SLC43A1: variants seen among roughly 807,000 people sequenced by gnomAD.
The protein encoded by SLC43A1 is large neutral amino acids transporter small subunit 3.
In SLC43A1, 31 loss-of-function variants were observed where a neutral mutation model predicts 59.5. That is an observed-to-expected ratio of 0.52 (90% confidence interval 0.39 to 0.70). SLC43A1 has a LOEUF of 0.70. Among genes scored for constraint, SLC43A1 ranks in the 30% least tolerant of loss-of-function variants. The pLI is 0.00. For synonymous variants in SLC43A1, 259 were observed against 290.9 expected (o/e 0.89, Z 1.12); for missense variants, 598 against 717.8 (o/e 0.83, Z 1.91).
At chr11:57,498,981 A>G (rs1944171229) in intron 5 of SLC43A1, among the ~76,000 whole-genome samples, 1 of 152,130 alleles carries the variant, frequency 6.6e-6, no homozygotes, top group South Asian at 2.1e-4. Context: ...CACACTCCAC[A>G]GAGGGGGAAA....
Position 57,514,800 on chromosome 11 carries a change from C to G in SLC43A1, c.-14+644G>C, listed in dbSNP as rs1460534030. On this transcript the variant is annotated intron_variant, in intron 1 of 14. Transcript: ENST00000278426. This position sits in a 1 kb window ranked among gnomAD's most constrained non-coding sequence, Gnocchi z 5.5. ...ACTCACTCCGCAGGGCTCGGGGCAC[C>G]AGGCTTTGCACCTCGGAACCCGCTT... The G allele has an allele frequency of 1.0e-6, 1 of 985,356 alleles. No homozygotes were observed. The highest frequency in any genetic ancestry group is 1.2e-6 in the Non-Finnish European group (1 of 829,970). 61.0% of individuals were successfully genotyped at this position (985,356 alleles called of 1,614,324 possible).
chr11:57,499,481 G>C (rs550010361), intron 5 of SLC43A1: 2 of 152,322 alleles, frequency 1.3e-5, no homozygotes, highest in Admixed American at 1.3e-4. Flanking sequence ...CGCCACGGAA[G>C]GCTGCCAGGC....
intron 8 of SLC43A1, 54 bp from the exon 9 acceptor site, chr11:57,491,916 A>G (rs926376344): frequency 6.4e-7 from 1 of 1,574,558 alleles, no homozygotes; most frequent in East Asian, 2.2e-5. Flanking sequence ...CTGCCCTCTG[A>G]TTGTCCCAGC....
intron 14 of SLC43A1, 56 bp downstream of exon 14, chr11:57,487,039 A>T: frequency 6.3e-7 from 1 of 1,589,284 alleles, no homozygotes; most frequent in South Asian, 1.1e-5. Flanking sequence ...ACAAGGCCCT[A>T]CCCCTGCCCC....
chr11:57,507,959 G>A (rs908492463), intron 2 of SLC43A1, among the ~76,000 whole-genome samples: 24 of 152,160 alleles, frequency 1.6e-4, no homozygotes, highest in African/African-American at 5.6e-4. Context: ...ACCATATGGG[G>A]TAATTGAGGT....
At position 57,501,145 on chromosome 11, in the gene SLC43A1, A is replaced by T. The variant is rs757451984; in HGVS notation, c.332+7T>A. On this transcript the variant is annotated splice_region_variant and intron_variant, in intron 3 of 14. Transcript: ENST00000278426. ...TCCTCCCGTTCCCCATAGCCCAGCC[A>T]CCTCACCTGCCAACCAGCCGCACGG... is the stretch of plus-strand genomic sequence containing the variant. The T allele has an allele frequency of 5.0e-6, 8 of 1,611,730 alleles. No individual in the cohort carries two copies. Among genetic ancestry groups the T allele is most frequent in the Non-Finnish European group, 6.8e-6 (8 of 1,179,396 alleles).
rs1381756529 is a variant in SLC43A1 at position 57,500,702 on chromosome 11, A to ACTGCCCTCACCCCACTCACT, written c.465+57_465+76dup. 1.8e-5 allele frequency: 24 copies of ACTGCCCTCACCCCACTCACT among 1,312,034 alleles called. No homozygotes were observed. The East Asian group carries it at 2.6e-4, about 14-fold the overall frequency. The allele number at this position is 1,312,034 out of a possible 1,614,324, so 81.3% of individuals were successfully genotyped here. A position where few individuals can be genotyped will look rare whatever the true frequency, so the allele number is the denominator to read the frequency against. ...CAGGCCCCTCCCCCAGCCCATTCATACTGCCCTCACCCCACTCACTCTGCC... is the reference window on the plus strand; with the variant it reads ...CAGGCCCCTCCCCCAGCCCATTCATACTGCCCTCACCCCACTCACTCTGCCCTCACCCCACTCACTCTGCC... On this transcript the variant is annotated intron_variant, in intron 5 of 14. Transcript: ENST00000278426.
chr11:57,492,703 C>G (rs1226084442), intron 8 of SLC43A1, among the ~76,000 whole-genome samples: 1 of 129,756 alleles, frequency 7.7e-6, no homozygotes, highest in East Asian at 2.2e-4. Flanking sequence ...GCACTCCAGC[C>G]CAGGCAACAG....
Position 57,488,946 on chromosome 11 carries a change from TG to T in SLC43A1, c.1378del (p.His460ThrfsTer20). On this transcript the variant is annotated frameshift_variant, in exon 13 of 15. Coordinates refer to ENST00000278426, the MANE Select transcript of SLC43A1 (RefSeq NM_003627.6). LOFTEE classifies it high-confidence loss of function. ...AGCATAGAGACTCCCACAGGCTGAG[TG>T]GAAGAAACCTCGAACAATGGTGTGC... ...VLHTIVRGFF[H>X]SACGSLYAAV... The T allele has an allele frequency of 6.2e-7, 1 of 1,614,042 alleles. No individual in the cohort carries two copies. Among genetic ancestry groups the T allele is most frequent in the Non-Finnish European group, 8.5e-7 (1 of 1,179,976 alleles).
At chr11:57,487,047 C>T (rs1375337772) in intron 14 of SLC43A1, 48 bp downstream of exon 14, 2 of 1,601,790 alleles carry the variant, frequency 1.2e-6, no homozygotes, top group Non-Finnish European at 1.7e-6. Flanking sequence ...CTACCCCTGC[C>T]CCCAGGAGAG....
In SLC43A1 at chr11:57,501,054, A is replaced by C; in HGVS notation, c.333-11T>G. On this transcript the variant is annotated splice_polypyrimidine_tract_variant and intron_variant, in intron 3 of 14. Transcript: ENST00000278426. ...GCAGTGAAGCAGGCACTGTGGAGAC[A>C]CAGGGAAGGGCGAGGGGTTGGCCTG... 2.5e-6 allele frequency: 4 copies of C among 1,605,560 alleles called. No homozygotes were observed. Among genetic ancestry groups the C allele is most frequent in the Non-Finnish European group, 3.4e-6 (4 of 1,175,910 alleles).
chr11:57,506,284 C>T (rs796128136), intron 2 of SLC43A1, among the ~76,000 whole-genome samples: 4 of 151,654 alleles, frequency 2.6e-5, no homozygotes, highest in East Asian at 1.9e-4. Context: ...AGGTGGAGGA[C>T]GCAATGAGCT....
In SLC43A1 at chr11:57,515,119, G is replaced by C. The variant is rs1944655623; in HGVS notation, c.-14+325C>G. On this transcript the variant is annotated intron_variant, in intron 1 of 14. Coordinates refer to ENST00000278426, the MANE Select transcript of SLC43A1 (RefSeq NM_003627.6). The surrounding 1 kb of genome is among the most constrained non-coding windows in gnomAD (Gnocchi z 5.3). ...AAGTACCAGTCACTTCTTCCAGGGGGACTCGGTATTCTCATCTGTGAAACG... is the reference window on the plus strand; with the variant it reads ...AAGTACCAGTCACTTCTTCCAGGGGCACTCGGTATTCTCATCTGTGAAACG... 5 of 971,166 alleles carry C rather than the reference G, an allele frequency of 5.1e-6. No homozygotes were observed. The highest frequency in any genetic ancestry group is 4.9e-6 in the Non-Finnish European group (4 of 816,952). The allele number at this position is 971,166 out of a possible 1,614,324, so 60.2% of individuals were successfully genotyped here. A position where few individuals can be genotyped will look rare whatever the true frequency, so the allele number is the denominator to read the frequency against.
Position 57,514,545 on chromosome 11 carries a change from T to TAG in SLC43A1, c.-13-423_-13-422dup. The TAG allele has an allele frequency of 5.8e-6, 1 of 171,356 alleles. No homozygotes were observed. The highest frequency in any genetic ancestry group is 1.4e-4 in the South Asian group (1 of 7,040). 10.6% of individuals were successfully genotyped at this position (171,356 alleles called of 1,614,324 possible). ...GGACTCTCGCGCCAGGAAAGACCCC[T>TAG]AGAAGCTGGCAGGAAGAAGGGCAAG... On this transcript the variant is annotated intron_variant, in intron 1 of 14. Coordinates refer to ENST00000278426, the MANE Select transcript of SLC43A1 (RefSeq NM_003627.6). This position sits in a 1 kb window ranked among gnomAD's most constrained non-coding sequence, Gnocchi z 5.5.
chr11:57,492,772 T>G (rs34744429), intron 8 of SLC43A1, among the ~76,000 whole-genome samples: 2 of 140,218 alleles, frequency 1.4e-5, no homozygotes, highest in Non-Finnish European at 1.5e-5. Flanking sequence ...CAGGGCACGG[T>G]GGCTCACACT....
chr11:57,497,925 G>A (rs765781783), intron 5 of SLC43A1, 80 bp from the exon 6 acceptor site: 16 of 1,061,478 alleles, frequency 1.5e-5, no homozygotes, highest in Non-Finnish European at 2.2e-5. Flanking sequence ...CCATACAATA[G>A]CCCCAGGAGA....
At chr11:57,499,956 C>G (rs1438246760) in intron 5 of SLC43A1, among the ~76,000 whole-genome samples, 1 of 152,108 alleles carries the variant, frequency 6.6e-6, no homozygotes, top group African/African-American at 2.4e-5. Flanking sequence ...GAAATGTCCC[C>G]GGTTGGAATT....
Position 57,514,047 on chromosome 11 carries a change from T to C in SLC43A1, c.65A>G (p.Glu22Gly). 1 of 1,608,888 alleles carries C rather than the reference T, an allele frequency of 6.2e-7. No homozygotes were observed. Among genetic ancestry groups the C allele is most frequent in the Non-Finnish European group, 8.5e-7 (1 of 1,177,714 alleles). ...RWWMACTAVL[E>G]NLFFSAVLLG... Reference sequence around the variant, plus strand: ...GAGTACAGCAGAGAAGAAGAGGTTCTCCAGCACAGCCGTGCAGGCCATCCA... The same window carrying C: ...GAGTACAGCAGAGAAGAAGAGGTTCCCCAGCACAGCCGTGCAGGCCATCCA... The change falls in exon 2 of 15, where the codon GAG becomes GGG. Residue 22 changes from glutamate to glycine, a missense_variant. Coordinates refer to ENST00000278426, the MANE Select transcript of SLC43A1 (RefSeq NM_003627.6). This position sits in a 1 kb window ranked among gnomAD's most constrained non-coding sequence, Gnocchi z 5.5.
rs1943681144 is a variant in SLC43A1, at chr11:57,484,780, C to T, written c.*316G>A. The T allele has an allele frequency of 1.2e-5, 3 of 257,932 alleles. No homozygotes were observed. Among genetic ancestry groups the T allele is most frequent in the Middle Eastern group, 1.4e-3 (1 of 732 alleles). 16.0% of individuals were successfully genotyped at this position (257,932 alleles called of 1,614,324 possible). On this transcript the variant is annotated 3_prime_UTR_variant, in exon 15 of 15. Coordinates refer to ENST00000278426, the MANE Select transcript of SLC43A1 (RefSeq NM_003627.6). ...GGGGTAGCCTGTTTGCCGATCCCCC[C>T]AAGAGGTACCAGGAGGCAGACCGCT... is the stretch of plus-strand genomic sequence containing the variant.
Sources: gnomAD v4.1 joint callset for allele counts (sites outside exome capture counted in the v4.1 genomes callset) on GRCh38, gnomAD v4.1.1 for gene constraint, Gnocchi (gnomAD v3.1) non-coding constraint, MANE v1.5 for transcripts, NCBI Gene and HGNC (gene_info 2026-07-23, HGNC 2026-07-21) for gene names.